Variants in POLN observed in about 807,000 individuals in gnomAD.
The protein encoded by POLN is DNA polymerase N.
In POLN, 108 loss-of-function variants were observed where a neutral mutation model predicts 113.5. That is an observed-to-expected ratio of 0.95 (90% CI 0.81 to 1.12). The LOEUF (loss-of-function observed/expected upper bound fraction) is 1.12. Ranked by LOEUF, POLN falls within the 50% of genes most tolerant of loss-of-function variation. POLN has a pLI of 0.00. For missense variants in POLN, 1,097 were observed against 1,077.1 expected, an observed-to-expected ratio of 1.02 and a Z score of -0.26; for synonymous variants, 386 against 391.5, an observed-to-expected ratio of 0.99 and a Z score of 0.17.
At chr4:2,193,881 T>C (rs1415204704) in intron 6 of POLN, among the ~76,000 whole-genome samples, 2 of 152,220 alleles carry the variant, frequency 1.3e-5, no homozygotes, top group African/African-American at 4.8e-5. Flanking sequence ...GTATCTCTTC[T>C]GTACTCCTAT....
In POLN at chr4:2,165,705, C is replaced by T. The variant is rs139628538; in HGVS notation, c.1554+4974G>A. On this transcript the variant is annotated intron_variant, in intron 13 of 25. Coordinates refer to ENST00000511885, the MANE Select transcript of POLN (RefSeq NM_181808.4). ...GCCTGTACATGTGTGTACAGAACAG[C>T]GAGTACAGAACAGGGAGTATGGGAA... 4.6e-5 allele frequency among the ~76,000 whole-genome samples: 7 copies of T among 152,114 alleles called. No homozygotes were observed. In the East Asian group the frequency reaches 7.7e-4, roughly 17 times the overall value.
chr4:2,180,034 T>C (rs1166032928), intron 7 of POLN, among the ~76,000 whole-genome samples: 1 of 152,166 alleles, frequency 6.6e-6, no homozygotes, highest in Non-Finnish European at 1.5e-5. Context: ...CTCCCTGAAG[T>C]GTGGAAAATC....
At chr4:2,185,948 G>A (rs1329703764) in intron 7 of POLN, among the ~76,000 whole-genome samples, 9 of 152,056 alleles carry the variant, frequency 5.9e-5, no homozygotes, top group Admixed American at 2.0e-4. Flanking sequence ...CAAGAAAGCC[G>A]GCTTCACTCT....
chr4:2,239,390 G>A (rs1280305287), intron 2 of POLN, among the ~76,000 whole-genome samples: 1 of 152,068 alleles, frequency 6.6e-6, no homozygotes, highest in African/African-American at 2.4e-5. Context: ...TACTTCAATA[G>A]GTCCTAGTTG....
rs751730312 is a variant in POLN at position 2,129,263 on chromosome 4, T to C, written c.1790-7A>G. ...AGAATCTTGTCTTCTTTACCTGAAT[T>C]GTTATTTCAAGAGCATTTAGTGAAT... On this transcript the variant is annotated splice_region_variant and splice_polypyrimidine_tract_variant and intron_variant, in intron 17 of 25. Coordinates refer to ENST00000511885, the MANE Select transcript of POLN (RefSeq NM_181808.4). The C allele has an allele frequency of 2.4e-5, 37 of 1,568,712 alleles. No individual in the cohort carries two copies. Among genetic ancestry groups the C allele is most frequent in the Non-Finnish European group, 3.2e-5 (36 of 1,139,208 alleles).
chr4:2,107,636 A>G (rs1351414887), intron 19 of POLN, among the ~76,000 whole-genome samples: 1 of 152,132 alleles, frequency 6.6e-6, no homozygotes, highest in African/African-American at 2.4e-5. Context: ...AAACGCGAAG[A>G]GAGAAAAGGC....
chr4:2,173,805 C>T (rs1352528189), intron 11 of POLN, 150 bp downstream of exon 11: 4 of 763,548 alleles, frequency 5.2e-6, no homozygotes, highest in Admixed American at 4.4e-5. Context: ...CTTGGTTCTC[C>T]CCTGCAGGCG....
chr4:2,172,952 G>A (rs887287727), intron 11 of POLN, among the ~76,000 whole-genome samples: 2 of 152,194 alleles, frequency 1.3e-5, no homozygotes, highest in African/African-American at 2.4e-5. Context: ...AGTCCACAGC[G>A]GGAAACTCCA....
intron 3 of POLN, chr4:2,228,523 G>C (rs1246761896): frequency 2.1e-5 from 4 of 193,064 alleles, no homozygotes; most frequent in Non-Finnish European, 1.1e-5. Flanking sequence ...ATTTTTAGTA[G>C]AGACAGTGTT....
intron 6 of POLN, among the ~76,000 whole-genome samples, chr4:2,194,458 G>A (rs1043871436): frequency 4.6e-5 from 7 of 152,130 alleles, no homozygotes; most frequent in Admixed American, 2.0e-4. Flanking sequence ...TGAAAAGGGC[G>A]ACCAGGATGG....
intron 3 of POLN, among the ~76,000 whole-genome samples, chr4:2,220,125 C>A (rs1734219784): frequency 6.6e-6 from 1 of 152,180 alleles, no homozygotes; most frequent in South Asian, 2.1e-4. Context: ...TACAAATTCA[C>A]CCCTCGTTGC....
intron 13 of POLN, among the ~76,000 whole-genome samples, chr4:2,166,629 A>G (rs1032600407): frequency 3.3e-5 from 5 of 152,196 alleles, no homozygotes; most frequent in African/African-American, 4.8e-5. Flanking sequence ...CTAGGGGCCC[A>G]GTTAGAATGA....
chr4:2,111,368 T>G (rs1010715786), intron 19 of POLN, among the ~76,000 whole-genome samples: 2 of 151,876 alleles, frequency 1.3e-5, no homozygotes, highest in African/African-American at 4.8e-5. Flanking sequence ...CTATTCAACA[T>G]AGTGTTGGAA....
chr4:2,093,057 C>T lies in POLN; in HGVS notation c.2065+2794G>A, dbSNP rs1057367610. On this transcript the variant is annotated intron_variant, in intron 20 of 25. Coordinates refer to ENST00000511885, the MANE Select transcript of POLN (RefSeq NM_181808.4). The surrounding 1 kb of genome is among the most constrained non-coding windows in gnomAD (Gnocchi z 4.1). ...CCCTTTTCAACATTATGGCTAATGA[C>T]TCAGTGCTTATTTACAAAATGTAGC... Among the ~76,000 whole-genome samples, 2 of 151,992 alleles carry T rather than the reference C, an allele frequency of 1.3e-5. No individual in the cohort carries two copies. The highest frequency in any genetic ancestry group is 2.9e-5 in the Non-Finnish European group (2 of 68,026).
At chr4:2,132,775 A>G (rs1014799289) in intron 16 of POLN, among the ~76,000 whole-genome samples, 6 of 152,234 alleles carry the variant, frequency 3.9e-5, no homozygotes, top group Admixed American at 1.3e-4. Flanking sequence ...AGACATTCTC[A>G]GATGAATAAA....
intron 6 of POLN, among the ~76,000 whole-genome samples, chr4:2,193,606 C>A (rs1018353796): frequency 5.3e-5 from 8 of 152,184 alleles, no homozygotes; most frequent in Admixed American, 3.3e-4. Context: ...GCAAAGTACA[C>A]CTACTCTGGG....
At chr4:2,111,477 A>G (rs916758479) in intron 19 of POLN, among the ~76,000 whole-genome samples, 42 of 152,332 alleles carry the variant, frequency 2.8e-4, no homozygotes, top group Non-Finnish European at 5.1e-4. Flanking sequence ...ACATGATTGT[A>G]TATCTAGAAA....
chr4:2,085,859 T>A, intron 20 of POLN, 115 bp from the exon 21 acceptor site: 3 of 1,437,132 alleles, frequency 2.1e-6, no homozygotes, highest in Non-Finnish European at 2.8e-6. Flanking sequence ...TGGGTTGGGA[T>A]GGAGTTGGCG....
intron 16 of POLN, 54 bp from the exon 17 acceptor site, chr4:2,131,344 T>A: frequency 1.7e-6 from 2 of 1,187,112 alleles, no homozygotes; most frequent in Non-Finnish European, 2.4e-6. Flanking sequence ...TAATCTGTAC[T>A]ACTTAGGGTA....
Sources: gnomAD v4.1 joint callset for allele counts (sites outside exome capture counted in the v4.1 genomes callset) on GRCh38, gnomAD v4.1.1 for gene constraint, Gnocchi (gnomAD v3.1) non-coding constraint, MANE v1.5 for transcripts, NCBI Gene and HGNC (gene_info 2026-07-23, HGNC 2026-07-21) for gene names.